USP45: variants seen among roughly 807,000 people sequenced by gnomAD.
USP45 encodes ubiquitin specific peptidase 45.
A neutral mutation model predicts 95.8 loss-of-function variants in USP45; 89 were observed. The observed-to-expected ratio is 0.93, with a 90% confidence interval of 0.78 to 1.11. The LOEUF (loss-of-function observed/expected upper bound fraction) is 1.11, where lower values mean the gene tolerates loss of function less well. Ranked by LOEUF, USP45 falls within the 50% of genes least tolerant of loss-of-function variation. The pLI is 0.00. For synonymous variants in USP45, 281 were observed against 316.2 expected (o/e 0.89, Z 1.18); for missense variants, 898 against 942.5 (o/e 0.95, Z 0.62).
chr6:99,440,832 A>G (rs1277896570), intron 15 of USP45, among the ~76,000 whole-genome samples: 2 of 152,084 alleles, frequency 1.3e-5, no homozygotes, highest in South Asian at 2.1e-4. Flanking sequence ...TGCCTTTTTC[A>G]TCAGGTGACC....
intron 10 of USP45, chr6:99,468,254 T>TA (rs140596838): frequency 6.9e-4 from 343 of 496,014 alleles, no homozygotes; most frequent in African/African-American, 6.2e-3. Flanking sequence ...GTGTGGTTGC[T>TA]ACTTTCAACA....
At chr6:99,509,394 A>G (rs1390572509) in intron 2 of USP45, among the ~76,000 whole-genome samples, 1 of 152,218 alleles carries the variant, frequency 6.6e-6, no homozygotes, top group Non-Finnish European at 1.5e-5. Context: ...TTCAGAAGAC[A>G]TAGGCACTCA....
intron 13 of USP45, chr6:99,461,825 A>G: frequency 1.0e-6 from 1 of 982,690 alleles, no homozygotes; most frequent in Non-Finnish European, 1.2e-6. Flanking sequence ...TTTGTCACAA[A>G]TATCTTTATA....
upstream of USP45, among the ~76,000 whole-genome samples, chr6:99,516,740 C>G (rs913532891): frequency 2.0e-5 from 3 of 152,078 alleles, no homozygotes; most frequent in Non-Finnish European, 4.4e-5. Flanking sequence ...AAATCAAAAG[C>G]TTTCATGTAT....
chr6:99,505,380 T>C (rs1461110954), intron 4 of USP45, among the ~76,000 whole-genome samples: 1 of 152,112 alleles, frequency 6.6e-6, no homozygotes, highest in Non-Finnish European at 1.5e-5. Context: ...ATGTAATGCA[T>C]TATGGCCGGG....
Position 99,466,597 on chromosome 6 carries a change from T to C in USP45, c.1107+75A>G. 4.0e-6 allele frequency: 5 copies of C among 1,251,518 alleles called. No individual in the cohort carries two copies. In the South Asian group the frequency reaches 6.5e-5, roughly 16 times the overall value. 77.5% of individuals were successfully genotyped at this position (1,251,518 alleles called of 1,614,324 possible). A position where few individuals can be genotyped will look rare whatever the true frequency, so the allele number is the denominator to read the frequency against. ...TTTTAAAAATGACTGCCAATGATTA[T>C]ATGTGAAAGAAAATATAATAAAAAT... is the stretch of plus-strand genomic sequence containing the variant. On this transcript the variant is annotated intron_variant, in intron 11 of 17. Transcript: ENST00000500704.
At chr6:99,455,374 C>G (rs1435637305) in intron 13 of USP45, among the ~76,000 whole-genome samples, 3 of 152,038 alleles carry the variant, frequency 2.0e-5, no homozygotes, top group Non-Finnish European at 4.4e-5. Flanking sequence ...TCACTTGAAC[C>G]CAGGAGGAAG....
intron 5 of USP45, chr6:99,501,804 TTATATAA>T: frequency 1.4e-6 from 1 of 695,934 alleles, no homozygotes; most frequent in Non-Finnish European, 2.0e-6. Context: ...TACATTACTG[TTATATAA>T]TAAAGGATCT....
In USP45 at chr6:99,458,508, G is replaced by C. The variant is rs140611209; in HGVS notation, c.1308+6096C>G. Among the ~76,000 whole-genome samples the C allele has an allele frequency of 9.2e-4, 140 of 152,260 alleles. 1 individual carries two copies. Among genetic ancestry groups the C allele is most frequent in the African/African-American group, 3.1e-3 (129 of 41,536 alleles). ...GTGAGACATAAGTTCAAGTCAGCAG[G>C]GGGCAGTATACGTGGTTAAGAACAT... On this transcript the variant is annotated intron_variant, in intron 13 of 17. Transcript: ENST00000500704.
intron 2 of USP45, among the ~76,000 whole-genome samples, chr6:99,509,190 T>A (rs560102423): frequency 6.6e-6 from 1 of 152,200 alleles, no homozygotes. Flanking sequence ...TAGGACCTTA[T>A]CTGATGTCCC....
At position 99,468,611 on chromosome 6, in the gene USP45, T is replaced by G; in HGVS notation, c.941A>C (p.Gln314Pro). 6.2e-7 allele frequency: 1 copy of G among 1,600,656 alleles called. No individual in the cohort carries two copies. Among genetic ancestry groups the G allele is most frequent in the Non-Finnish European group, 8.5e-7 (1 of 1,170,694 alleles). The change falls in exon 10 of 18, where the codon CAA becomes CCA. Residue 314 changes from glutamine to proline, a missense_variant. Coordinates refer to ENST00000500704, the MANE Select transcript of USP45 (RefSeq NM_001346022.3). The stretch of plus-strand genomic sequence containing the variant: ...GTTAAATGCTTTTAGAATGCTAGCT[T>G]GTATTCGCTGTAAAACAAAGTTAAT... ...AVRTEETKRI[Q>P]ASILKAFNNP... is the part of the protein sequence containing the mutation.
At chr6:99,507,091 C>T (rs770397349) in intron 4 of USP45, among the ~76,000 whole-genome samples, 10 of 152,168 alleles carry the variant, frequency 6.6e-5, no homozygotes, top group Non-Finnish European at 1.5e-4. Context: ...CCTGTGGTCC[C>T]AGCTACTCAG....
At chr6:99,517,153 A>G (rs983300409), upstream of USP45, among the ~76,000 whole-genome samples, 2 of 152,128 alleles carry the variant, frequency 1.3e-5, no homozygotes, top group Admixed American at 1.3e-4. Context: ...TTACCTTTTC[A>G]CTTAATTGAA....
chr6:99,502,047 G>A, intron 5 of USP45: 1 of 1,281,318 alleles, frequency 7.8e-7, no homozygotes, highest in South Asian at 1.3e-5. Context: ...GAATGTTGGG[G>A]GCCTAGAGAC....
At chr6:99,474,345 G>C (rs1308437522) in intron 9 of USP45, among the ~76,000 whole-genome samples, 1 of 152,096 alleles carries the variant, frequency 6.6e-6, no homozygotes, top group Non-Finnish European at 1.5e-5. Context: ...TTACAGGTGT[G>C]CACCACCACG....
intron 11 of USP45, 48 bp downstream of exon 11, chr6:99,466,624 A>G (rs764574799): frequency 1.8e-5 from 26 of 1,408,264 alleles, no homozygotes; most frequent in Non-Finnish European, 2.6e-5. Context: ...AATAAAAATG[A>G]TGTGATTGTA....
rs141832276 is a variant in USP45, at chr6:99,443,574, T to C, written c.2064A>G (p.Arg688=). The change falls in exon 15 of 18, where the codon AGA becomes AGG. Residue 688 remains arginine (R), a synonymous_variant. Coordinates refer to ENST00000500704, the MANE Select transcript of USP45 (RefSeq NM_001346022.3). ...VPAVLILHLK[R]FHQAGLSLRK... is the part of the protein sequence containing the mutation. ...TACTGAAGAAACTTACCTGATGAAATCTTTTCAGGTGGAGAATTAGGACAG... is the reference window on the plus strand; with the variant it reads ...TACTGAAGAAACTTACCTGATGAAACCTTTTCAGGTGGAGAATTAGGACAG... The C allele has an allele frequency of 1.6e-5, 26 of 1,607,042 alleles. No homozygotes were observed. The highest frequency in any genetic ancestry group is 1.9e-5 in the Non-Finnish European group (22 of 1,176,240).
chr6:99,514,881 C>T (rs1800792732), intron 1 of USP45: 1 of 152,190 alleles, frequency 6.6e-6, no homozygotes, highest in South Asian at 2.1e-4. Context: ...TATTATTTTC[C>T]GCATTTTACA....
Position 99,434,440 on chromosome 6 carries a change from GTTT to G in USP45, c.*1273_*1275del, listed in dbSNP as rs1271923757. On this transcript the variant is annotated 3_prime_UTR_variant, in exon 18 of 18. Coordinates refer to ENST00000500704, the MANE Select transcript of USP45 (RefSeq NM_001346022.3). ...ATGATTAGGATGCTTGAACCATGCA[GTTT>G]TGTTTCTATTTCAACAATATGACAC... 8.5e-5 allele frequency: 13 copies of G among 152,168 alleles called. No homozygotes were observed. Among genetic ancestry groups the G allele is most frequent in the South Asian group, 2.1e-4 (1 of 4,828 alleles). The allele number at this position is 152,168 out of a possible 1,614,324, so 9.4% of individuals were successfully genotyped here. A position where few individuals can be genotyped will look rare whatever the true frequency, so the allele number is the denominator to read the frequency against.
Sources: allele counts gnomAD v4.1 joint callset (sites outside exome capture counted in the v4.1 genomes callset), GRCh38; gene constraint gnomAD v4.1.1; transcripts MANE v1.5; gene names NCBI Gene and HGNC (gene_info 2026-07-23, HGNC 2026-07-21).